The following IL17RA variants were observed in gnomAD, a reference collection of about 807,000 sequenced individuals.
The protein encoded by IL17RA is interleukin-17 receptor A.
A neutral mutation model predicts 50.4 loss-of-function variants in IL17RA; 34 were observed. That is an observed-to-expected ratio of 0.67 (90% CI 0.51 to 0.90). The LOEUF (loss-of-function observed/expected upper bound fraction) is 0.90, where lower values mean the gene tolerates loss of function less well. IL17RA is among the 40% of genes least tolerant of loss of function. IL17RA has a pLI of 0.00. For synonymous variants in IL17RA, 585 were observed against 510.4 expected (o/e 1.15, Z -1.97); for missense variants, 1,276 against 1,169.8 (o/e 1.09, Z -1.32).
At chr22:17,100,303 G>A (rs1366236007) in intron 4 of IL17RA, 52 bp from the exon 5 acceptor site, 19 of 1,612,740 alleles carry the variant, frequency 1.2e-5, no homozygotes, top group Admixed American at 6.7e-5. Context: ...GCATAGATGG[G>A]TGACAGAGGT....
chr22:17,099,929 C>G (rs1336171403), intron 4 of IL17RA, among the ~76,000 whole-genome samples: 1 of 152,184 alleles, frequency 6.6e-6, no homozygotes, highest in Non-Finnish European at 1.5e-5. Context: ...AGGTTCCTGG[C>G]TTTTCCGTTT....
In IL17RA at chr22:17,110,997, G is replaced by A. The variant is rs2123815205; in HGVS notation, c.*1177G>A. The A allele has an allele frequency of 6.6e-6, 1 of 152,342 alleles. No individual in the cohort carries two copies. Among genetic ancestry groups the A allele is most frequent in the South Asian group, 2.1e-4 (1 of 4,826 alleles). The allele number at this position is 152,342 out of a possible 1,614,324, so 9.4% of individuals were successfully genotyped here. On this transcript the variant is annotated 3_prime_UTR_variant, in exon 13 of 13. Transcript: ENST00000319363. Reference sequence around the variant, plus strand: ...GAAGCAGTTTGTGGGTAAGTGCTGGGAGGTGAGTGGAGTGAGCTTGTCAGG... The same window carrying A: ...GAAGCAGTTTGTGGGTAAGTGCTGGAAGGTGAGTGGAGTGAGCTTGTCAGG...
Position 17,115,499 on chromosome 22 carries a change from C to T in IL17RA, c.*5679C>T, listed in dbSNP as rs1387421818. The T allele has an allele frequency of 6.6e-6, 1 of 152,196 alleles. No individual in the cohort carries two copies. The highest frequency in any genetic ancestry group is 2.4e-5 in the African/African-American group (1 of 41,432). The allele number at this position is 152,196 out of a possible 1,614,324, so 9.4% of individuals were successfully genotyped here. ...CTCCCGGGCTGCCCTGAGTGAAACG[C>T]CTGCTTAGCATTTGGCACAGCCAGA... is the stretch of plus-strand genomic sequence containing the variant. On this transcript the variant is annotated 3_prime_UTR_variant, in exon 13 of 13. Transcript: ENST00000319363.
chr22:17,085,426 G>C (rs1331940742), intron 1 of IL17RA, 197 bp downstream of exon 1: 5 of 654,764 alleles, frequency 7.6e-6, no homozygotes, highest in Non-Finnish European at 9.5e-6. Context: ...GGGAGTTGCG[G>C]TGTGGAATAC....
chr22:17,105,985 T>C (rs747925115), intron 11 of IL17RA, 31 bp downstream of exon 11: 1 of 1,559,842 alleles, frequency 6.4e-7, no homozygotes, highest in Non-Finnish European at 8.8e-7. Context: ...TGTCCTGGAG[T>C]CAGGCTCTAA....
intron 1 of IL17RA, among the ~76,000 whole-genome samples, chr22:17,085,975 T>G (rs2061326198): frequency 6.6e-6 from 1 of 151,446 alleles, no homozygotes; most frequent in Non-Finnish European, 1.5e-5. Context: ...TTCCCGCCAC[T>G]CCCACCCCCG....
chr22:17,109,888 G>C lies in IL17RA; in HGVS notation c.*68G>C, dbSNP rs376863705. The C allele has an allele frequency of 2.9e-5, 39 of 1,358,092 alleles. No homozygotes were observed. The African/African-American group carries it at 5.0e-4, about 18-fold the overall frequency. The allele number at this position is 1,358,092 out of a possible 1,614,324, so 84.1% of individuals were successfully genotyped here. ...GGAGTGTGTGTGCACGTATTCATCT[G>C]TGTGTACATGTCTGCATGTGTATAT... On this transcript the variant is annotated 3_prime_UTR_variant, in exon 13 of 13. Transcript: ENST00000319363.
intron 1 of IL17RA, among the ~76,000 whole-genome samples, chr22:17,087,127 C>A (rs970755133): frequency 6.6e-6 from 1 of 152,214 alleles, no homozygotes; most frequent in Non-Finnish European, 1.5e-5. Flanking sequence ...CAGCTCTGGG[C>A]TCCATTGACT....
In IL17RA at chr22:17,102,215, C is replaced by T. The variant is rs371674761; in HGVS notation, c.675C>T (p.Asn225=). 8.7e-6 allele frequency: 14 copies of T among 1,614,072 alleles called. No individual in the cohort carries two copies. Among genetic ancestry groups the T allele is most frequent in the African/African-American group, 2.7e-5 (2 of 74,926 alleles). The change falls in exon 7 of 13, where the codon AAC becomes AAT. Residue 225 remains asparagine (N), a synonymous_variant. Coordinates refer to ENST00000319363, the MANE Select transcript of IL17RA (RefSeq NM_014339.7). ...TGCGTGTGAGCTTCACCCTGTGGAA[C>T]GAATCTACCCATTACCAGATCCTGC... ...HQLRVSFTLW[N]ESTHYQILLT... is the part of the protein sequence containing the mutation.
rs534512644 is a variant in IL17RA at position 17,102,165 on chromosome 22, G to A, written c.625G>A (p.Val209Met). 106 of 1,614,100 alleles carry A rather than the reference G, an allele frequency of 6.6e-5. No individual in the cohort carries two copies. In the Admixed American group the frequency reaches 1.5e-3, roughly 23 times the overall value. ...SGSLWDPNIT[V>M]ETLEAHQLRV... is the part of the protein sequence containing the mutation. Reference sequence around the variant, plus strand: ...CAGCCTGTGGGACCCCAACATCACCGTGGAGACCCTGGAGGCCCACCAGCT... The same window carrying A: ...CAGCCTGTGGGACCCCAACATCACCATGGAGACCCTGGAGGCCCACCAGCT... Residue 209 changes from valine to methionine, a missense_variant, in exon 7 of 13, where the codon GTG becomes ATG. By Grantham distance (21) the Val-to-Met change is conservative. Transcript: ENST00000319363.
At chr22:17,097,148 C>A in intron 2 of IL17RA, 62 bp downstream of exon 2, 1 of 1,482,938 alleles carries the variant, frequency 6.7e-7, no homozygotes, top group Non-Finnish European at 9.4e-7. Flanking sequence ...AGCCTGCTGC[C>A]AACTTCTGAC....
intron 7 of IL17RA, among the ~76,000 whole-genome samples, chr22:17,102,559 CTT>C (rs1601344597): frequency 6.6e-6 from 1 of 151,858 alleles, no homozygotes; most frequent in Admixed American, 6.6e-5. Flanking sequence ...CCCTTGTTCT[CTT>C]TTTGTTTTGC....
chr22:17,104,805 C>T lies in IL17RA; in HGVS notation c.926C>T (p.Thr309Ile), dbSNP rs776247658. ...ATVSCPEMPD[T>I]PEPIPDYMPL... ...GTTTCCTGCCCAGAAATGCCAGACA[C>T]TCCAGGTAGGGGACATGCGGCTGTC... The change falls in exon 9 of 13, where the codon ACT becomes ATT. Residue 309 changes from threonine (T) to isoleucine (I), a missense_variant. By Grantham distance (89) the Thr-to-Ile change is moderately conservative (BLOSUM62 -1). Transcript: ENST00000319363. 4 of 1,613,974 alleles carry T rather than the reference C, an allele frequency of 2.5e-6. No individual in the cohort carries two copies. Among genetic ancestry groups the T allele is most frequent in the African/African-American group, 2.7e-5 (2 of 74,914 alleles).
rs1346973737 is a variant in IL17RA, at chr22:17,108,860, G to A, written c.1641G>A (p.Met547Ile). 2 of 1,609,306 alleles carry A rather than the reference G, an allele frequency of 1.2e-6. No homozygotes were observed. Among genetic ancestry groups the A allele is most frequent in the East Asian group, 2.2e-5 (1 of 44,678 alleles). ...QDLEMFQPGR[M>I]HRVGELSGDN... Reference sequence around the variant, plus strand: ...TGGAGATGTTCCAGCCGGGCCGCATGCACCGCGTAGGGGAGCTGTCGGGGG... The same window carrying A: ...TGGAGATGTTCCAGCCGGGCCGCATACACCGCGTAGGGGAGCTGTCGGGGG... Residue 547 changes from methionine to isoleucine, a missense_variant, in exon 13 of 13, where the codon ATG becomes ATA. Physicochemically the swap from Met to Ile is conservative, Grantham distance 10. Transcript: ENST00000319363.
chr22:17,098,028 G>A (rs1568918688), intron 3 of IL17RA, 85 bp downstream of exon 3: 1 of 1,517,934 alleles, frequency 6.6e-7, no homozygotes, highest in Non-Finnish European at 9.1e-7. Context: ...TGGGCTCCCA[G>A]TCCTGTGCTC....
chr22:17,108,829 A>G lies in IL17RA; in HGVS notation c.1610A>G (p.Gln537Arg). ...DRFEEVYFRI[Q>R]DLEMFQPGRM... is the part of the protein sequence containing the mutation. ...TTCGAGGAGGTGTACTTCCGCATCCAGGACCTGGAGATGTTCCAGCCGGGC... is the reference window on the plus strand; with the variant it reads ...TTCGAGGAGGTGTACTTCCGCATCCGGGACCTGGAGATGTTCCAGCCGGGC... The change falls in exon 13 of 13, where the codon CAG becomes CGG. Residue 537 changes from glutamine (Q) to arginine (R), a missense_variant. Transcript: ENST00000319363. 1 of 1,607,602 alleles carries G rather than the reference A, an allele frequency of 6.2e-7. No individual in the cohort carries two copies. The highest frequency in any genetic ancestry group is 8.5e-7 in the Non-Finnish European group (1 of 1,177,266).
chr22:17,109,755 C>T lies in IL17RA; in HGVS notation c.2536C>T (p.Arg846Cys), dbSNP rs2061432809. Reference protein sequence around the residue: ...LRSLQRQLLFRQLQKNSGWDT... With the variant: ...LRSLQRQLLFCQLQKNSGWDT... ...GAGCCTCCAGCGGCAGCTGCTTTTCCGCCAGCTGCAGAAGAACTCGGGCTG... is the reference window on the plus strand; with the variant it reads ...GAGCCTCCAGCGGCAGCTGCTTTTCTGCCAGCTGCAGAAGAACTCGGGCTG... The change falls in exon 13 of 13, where the codon CGC becomes TGC. Residue 846 changes from arginine (R) to cysteine (C), a missense_variant. Coordinates refer to ENST00000319363, the MANE Select transcript of IL17RA (RefSeq NM_014339.7). 3 of 1,557,406 alleles carry T rather than the reference C, an allele frequency of 1.9e-6. No homozygotes were observed. Among genetic ancestry groups the T allele is most frequent in the Non-Finnish European group, 2.6e-6 (3 of 1,150,964 alleles).
rs199773077 is a variant in IL17RA at position 17,094,689 on chromosome 22, C to G, written c.139-2373C>G. Among the ~76,000 whole-genome samples, 362 of 39,062 alleles carry G rather than the reference C, an allele frequency of 9.3e-3. 16 individuals carry two copies. The highest frequency in any genetic ancestry group is 0.071 in the Middle Eastern group (3 of 42). 25.6% of individuals were successfully genotyped at this position (39,062 alleles called of 152,430 possible). ...TCTCTCTCTCTCTCTCTCTCTCTCTCTCTATATATATATATATATATATAT... is the reference window on the plus strand; with the variant it reads ...TCTCTCTCTCTCTCTCTCTCTCTCTGTCTATATATATATATATATATATAT... On this transcript the variant is annotated intron_variant, in intron 1 of 12. Coordinates refer to ENST00000319363, the MANE Select transcript of IL17RA (RefSeq NM_014339.7).
At chr22:17,090,523 C>A (rs1485727045) in intron 1 of IL17RA, among the ~76,000 whole-genome samples, 1 of 152,160 alleles carries the variant, frequency 6.6e-6, no homozygotes, top group African/African-American at 2.4e-5. Context: ...AACAGTAGAT[C>A]CCTGCGCCAC....
Sources: allele counts gnomAD v4.1 joint callset (sites outside exome capture counted in the v4.1 genomes callset), GRCh38; gene constraint gnomAD v4.1.1; transcripts MANE v1.5; gene names NCBI Gene and HGNC (gene_info 2026-07-23, HGNC 2026-07-21).